The following PTPRD variants were observed in gnomAD, a reference collection of about 807,000 sequenced individuals.
PTPRD encodes the protein receptor-type tyrosine-protein phosphatase delta.
A neutral mutation model predicts 214.5 loss-of-function variants in PTPRD; 34 were observed. That is an observed-to-expected ratio of 0.16 (90% CI 0.12 to 0.21). The LOEUF is 0.21. Among genes scored for constraint, PTPRD ranks in the 10% least tolerant of loss-of-function variants. The pLI is 1.00. For missense variants in PTPRD, 2,545 were observed against 2,398.7 expected (o/e 1.06, Z -1.27); for synonymous variants, 1,128 against 845.7 (o/e 1.33, Z -5.79).
intron 2 of PTPRD, among the ~76,000 whole-genome samples, chr9:10,575,380 A>G (rs2068890459): frequency 6.6e-6 from 1 of 152,150 alleles, no homozygotes; most frequent in Non-Finnish European, 1.5e-5. Flanking sequence ...CTAGGAAAAA[A>G]TGATGTGTTC....
intron 6 of PTPRD, among the ~76,000 whole-genome samples, chr9:9,760,279 G>T (rs2098640678): frequency 6.6e-6 from 1 of 151,910 alleles, no homozygotes; most frequent in South Asian, 2.1e-4. Context: ...TCAAATGCTG[G>T]TAGTATTTAA....
At chr9:8,673,837 T>C (rs1279752486) in intron 12 of PTPRD, among the ~76,000 whole-genome samples, 1 of 152,154 alleles carries the variant, frequency 6.6e-6, no homozygotes, top group African/African-American at 2.4e-5. Flanking sequence ...CATGATTTGT[T>C]ATAAGTGCTA....
intron 10 of PTPRD, among the ~76,000 whole-genome samples, chr9:9,027,662 G>C (rs1569461920): frequency 6.6e-6 from 1 of 151,860 alleles, no homozygotes; most frequent in Non-Finnish European, 1.5e-5. Flanking sequence ...CATTTGAAAA[G>C]TCCTATCACA....
At chr9:10,406,598 A>C (rs1302711667) in intron 2 of PTPRD, among the ~76,000 whole-genome samples, 4 of 151,622 alleles carry the variant, frequency 2.6e-5, no homozygotes, top group Admixed American at 1.3e-4. Context: ...TGCAACCAAC[A>C]TGAAACACAT....
intron 10 of PTPRD, among the ~76,000 whole-genome samples, chr9:9,117,051 C>T (rs998474512): frequency 2.0e-5 from 3 of 152,070 alleles, no homozygotes; most frequent in Non-Finnish European, 2.9e-5. Context: ...GGCTTTACTC[C>T]TTCCCAAATA....
At chr9:10,167,121 C>CTTT (rs141695954) in intron 3 of PTPRD, among the ~76,000 whole-genome samples, 6 of 147,080 alleles carry the variant, frequency 4.1e-5, no homozygotes, top group African/African-American at 1.2e-4. Context: ...AAAAGTAGAC[C>CTTT]TTTTTTTTTT....
At chr9:10,584,719 G>C (rs745702673) in intron 2 of PTPRD, among the ~76,000 whole-genome samples, 2 of 152,114 alleles carry the variant, frequency 1.3e-5, no homozygotes, top group South Asian at 2.1e-4. Context: ...GAGACAAAAA[G>C]CCAGATCTTG....
chr9:8,497,128 G>T, intron 26 of PTPRD, 114 bp downstream of exon 26: 1 of 875,052 alleles, frequency 1.1e-6, no homozygotes. Context: ...AAAATAATTT[G>T]TTAGTTCATG....
intron 3 of PTPRD, among the ~76,000 whole-genome samples, chr9:10,071,382 G>C (rs557894335): frequency 9.9e-5 from 15 of 152,140 alleles, no homozygotes; most frequent in African/African-American, 3.4e-4. Flanking sequence ...ACTTACCGTA[G>C]AGCTACAGTA....
At chr9:9,559,318 AC>A (rs1398782176) in intron 8 of PTPRD, among the ~76,000 whole-genome samples, 1 of 152,192 alleles carries the variant, frequency 6.6e-6, no homozygotes, top group Non-Finnish European at 1.5e-5. Flanking sequence ...ACCCATGAAC[AC>A]ACCCATCCCG....
At chr9:10,465,634 G>C (rs147760571) in intron 2 of PTPRD, among the ~76,000 whole-genome samples, 41 of 152,228 alleles carry the variant, frequency 2.7e-4, no homozygotes, top group African/African-American at 9.9e-4. Flanking sequence ...GTTTAGATAG[G>C]TTTATATACA....
chr9:8,902,388 G>T (rs1014598022), intron 11 of PTPRD, among the ~76,000 whole-genome samples: 1 of 149,890 alleles, frequency 6.7e-6, no homozygotes, highest in African/African-American at 2.5e-5. Flanking sequence ...TGTTGCCCAG[G>T]CTGGAGTGCA....
At chr9:9,525,814 C>CT (rs1199877995) in intron 8 of PTPRD, among the ~76,000 whole-genome samples, 2,951 of 145,362 alleles carry the variant, frequency 0.02, 27 homozygotes, top group African/African-American at 0.032. Context: ...CCTTTGTAAA[C>CT]TTTTTTTTTT....
At chr9:8,525,387 G>A (rs1051971631) in intron 17 of PTPRD, among the ~76,000 whole-genome samples, 2 of 151,862 alleles carry the variant, frequency 1.3e-5, no homozygotes, top group Non-Finnish European at 2.9e-5. Context: ...TTAATTTTTG[G>A]TTTTGTTTTG....
At chr9:9,482,939 T>C (rs2095480530) in intron 8 of PTPRD, among the ~76,000 whole-genome samples, 1 of 152,186 alleles carries the variant, frequency 6.6e-6, no homozygotes, top group Non-Finnish European at 1.5e-5. Context: ...CTTTAAATAG[T>C]TTCTTAAGTA....
At chr9:10,231,833 C>T (rs1313410973) in intron 3 of PTPRD, among the ~76,000 whole-genome samples, 1 of 151,788 alleles carries the variant, frequency 6.6e-6, no homozygotes, top group African/African-American at 2.4e-5. Context: ...AAGCAGGGCC[C>T]TGTGGAGGTA....
chr9:9,827,938 T>A (rs1321300321), intron 5 of PTPRD, among the ~76,000 whole-genome samples: 2 of 151,986 alleles, frequency 1.3e-5, no homozygotes, highest in African/African-American at 4.8e-5. Context: ...GAAATGCAAA[T>A]CAAAACCACA....
intron 5 of PTPRD, among the ~76,000 whole-genome samples, chr9:9,809,377 C>A (rs1018971279): frequency 1.3e-5 from 2 of 151,036 alleles, no homozygotes; most frequent in African/African-American, 4.9e-5. Context: ...ACACCATTCT[C>A]CCACCTCAGC....
intron 7 of PTPRD, among the ~76,000 whole-genome samples, chr9:9,606,078 T>A (rs904357914): frequency 2.0e-5 from 3 of 152,080 alleles, no homozygotes; most frequent in African/African-American, 7.2e-5. Flanking sequence ...AAGACTAGAA[T>A]GAATTTTCCT....
Sources: gnomAD v4.1 joint callset for allele counts (sites outside exome capture counted in the v4.1 genomes callset) on GRCh38, gnomAD v4.1.1 for gene constraint, MANE v1.5 for transcripts, NCBI Gene and HGNC (gene_info 2026-07-23, HGNC 2026-07-21) for gene names.